RBM6: variants seen among roughly 807,000 people sequenced by gnomAD.
RBM6 encodes RNA-binding protein 6.
A neutral mutation model predicts 140.4 loss-of-function variants in RBM6; 23 were observed. The observed-to-expected ratio is 0.16, with a 90% CI of 0.12 to 0.23. The LOEUF is 0.23. Ranked by LOEUF, RBM6 falls within the 10% of genes least tolerant of loss-of-function variation. RBM6 has a pLI of 1.00. For synonymous variants in RBM6, 439 were observed against 475.6 expected, an observed-to-expected ratio of 0.92 and a Z score of 1.00; for missense variants, 1,139 against 1,386.7, an observed-to-expected ratio of 0.82 and a Z score of 2.84.
intron 6 of RBM6, among the ~76,000 whole-genome samples, chr3:50,036,313 C>T (rs560648549): frequency 9.8e-5 from 15 of 152,286 alleles, no homozygotes; most frequent in African/African-American, 3.4e-4. Flanking sequence ...CCAAGGGTTA[C>T]GTCTGTGATA....
At chr3:50,061,413 G>A in intron 13 of RBM6, 49 bp from the exon 14 acceptor site, 1 of 1,585,394 alleles carries the variant, frequency 6.3e-7, no homozygotes, top group Non-Finnish European at 8.5e-7. Flanking sequence ...CTCCAGTAAG[G>A]GCTTCATTGG....
chr3:49,955,318 C>T (rs2108596753), intron 1 of RBM6, among the ~76,000 whole-genome samples: 2 of 144,004 alleles, frequency 1.4e-5, no homozygotes, highest in South Asian at 4.3e-4. Context: ...CTACAGACAC[C>T]TGCTACCACA....
intron 1 of RBM6, among the ~76,000 whole-genome samples, chr3:49,957,240 C>CTGGG (rs1456945236): frequency 6.6e-6 from 1 of 151,984 alleles, no homozygotes; most frequent in Non-Finnish European, 1.5e-5. Flanking sequence ...TCCTGAAGTG[C>CTGGG]TGGGATTACA....
At chr3:50,002,709 T>G (rs1192928564) in intron 6 of RBM6, among the ~76,000 whole-genome samples, 1 of 152,170 alleles carries the variant, frequency 6.6e-6, no homozygotes, top group African/African-American at 2.4e-5. Context: ...CAATTATAAT[T>G]ATAAGAAAAT....
At chr3:50,074,465 G>T (rs1235368935) in intron 19 of RBM6, among the ~76,000 whole-genome samples, 5 of 152,022 alleles carry the variant, frequency 3.3e-5, no homozygotes, top group African/African-American at 1.2e-4. Flanking sequence ...AGGATTACAG[G>T]CATGCGCCAC....
At chr3:50,018,325 T>C (rs1166848642) in intron 6 of RBM6, among the ~76,000 whole-genome samples, 1 of 152,218 alleles carries the variant, frequency 6.6e-6, no homozygotes, top group African/African-American at 2.4e-5. Context: ...CATTTCTCTA[T>C]GTAGTCTCAT....
intron 6 of RBM6, among the ~76,000 whole-genome samples, chr3:50,038,854 A>G (rs2088700956): frequency 6.6e-6 from 1 of 152,104 alleles, no homozygotes; most frequent in Non-Finnish European, 1.5e-5. Flanking sequence ...GAAAAAGAAG[A>G]AAAGAAATGA....
intron 6 of RBM6, among the ~76,000 whole-genome samples, chr3:50,015,233 A>G (rs1305250774): frequency 6.6e-6 from 1 of 150,866 alleles, no homozygotes; most frequent in Non-Finnish European, 1.5e-5. Flanking sequence ...TCAGCCTCCC[A>G]AGTAGCTGGG....
At position 49,987,234 on chromosome 3, in the gene RBM6, G is replaced by A. The variant is rs567620059; in HGVS notation, c.1483+11842G>A. 6.6e-5 allele frequency among the ~76,000 whole-genome samples: 10 copies of A among 151,920 alleles called. No individual in the cohort carries two copies. In the East Asian group the frequency reaches 1.2e-3, roughly 18 times the overall value. ...CAAAGTGCTGGGATTACAGGCATGA[G>A]CCACCATGCCAGGCCTCTGATGCAT... is the stretch of plus-strand genomic sequence containing the variant. On this transcript the variant is annotated intron_variant, in intron 5 of 20. Transcript: ENST00000266022.
Position 50,035,063 on chromosome 3 carries a change from TC to T in RBM6, c.1558-13178del, listed in dbSNP as rs1261248440. On this transcript the variant is annotated intron_variant, in intron 6 of 20. Transcript: ENST00000266022. ...CCTCTCCTCCCCTACTCCCCTCTCC[TC>T]CCCTCCCCTCTCTTTATCTGTCTAT... Among the ~76,000 whole-genome samples the T allele has an allele frequency of 9.9e-4, 87 of 88,044 alleles. No individual in the cohort carries two copies. In the Admixed American group the frequency reaches 0.012, roughly 12 times the overall value. 57.8% of individuals were successfully genotyped at this position (88,044 alleles called of 152,430 possible). A position where few individuals can be genotyped will look rare whatever the true frequency, so the allele number is the denominator to read the frequency against.
chr3:50,005,470 C>T (rs971521415), intron 6 of RBM6, among the ~76,000 whole-genome samples: 2 of 150,294 alleles, frequency 1.3e-5, no homozygotes, highest in Non-Finnish European at 2.9e-5. Flanking sequence ...TGCACTGCAA[C>T]CTGGGCGACA....
intron 1 of RBM6, among the ~76,000 whole-genome samples, chr3:49,953,120 A>G (rs537555829): frequency 1.6e-4 from 24 of 152,098 alleles, no homozygotes; most frequent in African/African-American, 4.8e-4. Context: ...CAGTGGTGCA[A>G]TCATGGCTTA....
rs373815232 is a variant in RBM6 at position 50,033,156 on chromosome 3, G to C, written c.1558-15089G>C. On this transcript the variant is annotated intron_variant, in intron 6 of 20. Coordinates refer to ENST00000266022, the MANE Select transcript of RBM6 (RefSeq NM_005777.3). Reference sequence around the variant, plus strand: ...TACTAAAAATACAAAAATTAGCTGGGCATGGTGGTGCATACCGGTAATCCC... The same window carrying C: ...TACTAAAAATACAAAAATTAGCTGGCCATGGTGGTGCATACCGGTAATCCC... Among the ~76,000 whole-genome samples, 18 of 152,054 alleles carry C rather than the reference G, an allele frequency of 1.2e-4. No individual in the cohort carries two copies. The East Asian group carries it at 2.3e-3, about 20-fold the overall frequency.
chr3:49,972,725 T>C (rs945326618), intron 4 of RBM6, among the ~76,000 whole-genome samples: 1 of 152,184 alleles, frequency 6.6e-6, no homozygotes, highest in Admixed American at 6.5e-5. Flanking sequence ...GTGTATATTA[T>C]CAAGTCACTG....
chr3:49,944,691 G>A, intron 1 of RBM6, among the ~76,000 whole-genome samples: 1 of 151,744 alleles, frequency 6.6e-6, no homozygotes, highest in Admixed American at 6.6e-5. Context: ...GGGCAGGCTG[G>A]TCTTGAACTT....
intron 7 of RBM6, among the ~76,000 whole-genome samples, chr3:50,050,533 G>A (rs2089425239): frequency 1.3e-5 from 2 of 152,124 alleles, no homozygotes; most frequent in Admixed American, 6.6e-5. Flanking sequence ...TTGAACAGCT[G>A]TTTTCAGTTA....
intron 6 of RBM6, among the ~76,000 whole-genome samples, chr3:50,016,829 T>C (rs67189614): frequency 2.2e-5 from 1 of 45,704 alleles, no homozygotes; most frequent in African/African-American, 5.3e-5. Context: ...CTAGCGTTTT[T>C]TTTTTTTTTT....
chr3:49,963,493 G>A (rs976876525), intron 2 of RBM6, among the ~76,000 whole-genome samples: 3 of 152,162 alleles, frequency 2.0e-5, no homozygotes, highest in African/African-American at 7.2e-5. Context: ...AGGAAAGCTA[G>A]CAAAATTTAC....
At chr3:50,022,063 A>C (rs1411840994) in intron 6 of RBM6, among the ~76,000 whole-genome samples, 1 of 152,054 alleles carries the variant, frequency 6.6e-6, no homozygotes, top group Non-Finnish European at 1.5e-5. Context: ...CAAAAAGGAA[A>C]AAAAAGAAAT....
Sources: allele counts gnomAD v4.1 joint callset (sites outside exome capture counted in the v4.1 genomes callset), GRCh38; gene constraint gnomAD v4.1.1; transcripts MANE v1.5; gene names NCBI Gene and HGNC (gene_info 2026-07-23, HGNC 2026-07-21).